ZNF570: variants seen among roughly 807,000 people sequenced by gnomAD.
ZNF570 encodes the protein zinc finger protein 570.
In ZNF570, 8 loss-of-function variants were observed where a neutral mutation model predicts 14.2. The observed-to-expected ratio is 0.56, with a 90% CI of 0.33 to 1.02. ZNF570 has a LOEUF of 1.02. ZNF570 is among the 50% of genes least tolerant of loss of function. The probability of loss-of-function intolerance (pLI) is 0.03; values close to 1 mark genes in which losing one functional copy is unlikely to be tolerated. For missense variants in ZNF570, 559 were observed against 624.9 expected, an observed-to-expected ratio of 0.89 and a Z score of 1.12; for synonymous variants, 202 against 207.6, an observed-to-expected ratio of 0.97 and a Z score of 0.23.
Position 37,470,338 on chromosome 19 carries a change from G to A in ZNF570, c.-17G>A, listed in dbSNP as rs771019289. 3.7e-6 allele frequency: 6 copies of A among 1,614,066 alleles called. No individual in the cohort carries two copies. The South Asian group carries it at 6.6e-5, about 18-fold the overall frequency. On this transcript the variant is annotated 5_prime_UTR_variant, in exon 2 of 5. Coordinates refer to ENST00000330173, the MANE Select transcript of ZNF570 (RefSeq NM_144694.5). Reference sequence around the variant, plus strand: ...GCCACTGCTATTTCCCAAGAGAAGAGCCAGGAGGAAGAAAGAATGGCTGTT... The same window carrying A: ...GCCACTGCTATTTCCCAAGAGAAGAACCAGGAGGAAGAAAGAATGGCTGTT...
At position 37,484,735 on chromosome 19, in the gene ZNF570, A is replaced by G. The variant is rs1945732017; in HGVS notation, c.1113A>G (p.Ala371=). The change falls in exon 5 of 5, where the codon GCA becomes GCG. Residue 371 remains alanine (A), a synonymous_variant. Transcript: ENST00000330173. ...NVCGKAFSLR[A]YLTVHQRIHT... Reference sequence around the variant, plus strand: ...GTGGGAAAGCATTTAGCCTTCGTGCATACCTTACTGTACATCAGAGAATAC... The same window carrying G: ...GTGGGAAAGCATTTAGCCTTCGTGCGTACCTTACTGTACATCAGAGAATAC... The G allele has an allele frequency of 6.2e-7, 1 of 1,614,168 alleles. No homozygotes were observed. Among genetic ancestry groups the G allele is most frequent in the Non-Finnish European group, 8.5e-7 (1 of 1,180,032 alleles).
chr19:37,475,965 A>G lies in ZNF570; in HGVS notation c.118A>G (p.Ser40Gly), dbSNP rs1436552973. Reference sequence around the variant, plus strand: ...GGATTCTTCTCAAAGACATCTGTACAGTAATGTGATGCTAGAGAACTACAG... The same window carrying G: ...GGATTCTTCTCAAAGACATCTGTACGGTAATGTGATGCTAGAGAACTACAG... ...CLDSSQRHLYSNVMLENYRIL... is the reference protein window; with the variant it reads ...CLDSSQRHLYGNVMLENYRIL... Residue 40 changes from serine to glycine, a missense_variant, in exon 3 of 5, where the codon AGT becomes GGT. Transcript: ENST00000330173. 6.2e-7 allele frequency: 1 copy of G among 1,613,722 alleles called. No individual in the cohort carries two copies. The highest frequency in any genetic ancestry group is 8.5e-7 in the Non-Finnish European group (1 of 1,179,864).
At chr19:37,472,758 A>AAG (rs2041982919) in intron 2 of ZNF570, among the ~76,000 whole-genome samples, 1 of 151,542 alleles carries the variant, frequency 6.6e-6, no homozygotes, top group South Asian at 2.1e-4. Flanking sequence ...AAAAAAAAAA[A>AAG]AAGAAGGAAA....
At chr19:37,467,874 C>A, upstream of ZNF570, 10 of 1,536,052 alleles carry the variant, frequency 6.5e-6, no homozygotes, top group Non-Finnish European at 8.7e-6. Context: ...TCTGACCTTG[C>A]AGTTTTGTCA....
intron 2 of ZNF570, among the ~76,000 whole-genome samples, chr19:37,474,842 AAAATT>A (rs1320880758): frequency 6.6e-6 from 1 of 152,218 alleles, no homozygotes; most frequent in African/African-American, 2.4e-5. Context: ...AATTTTGTAA[AAAATT>A]AAATTAATAC....
Position 37,471,378 on chromosome 19 carries a change from C to G in ZNF570, c.33+991C>G, listed in dbSNP as rs376986591. 2.2e-4 allele frequency among the ~76,000 whole-genome samples: 34 copies of G among 152,256 alleles called. No homozygotes were observed. In the East Asian group the frequency reaches 3.1e-3, roughly 14 times the overall value. On this transcript the variant is annotated intron_variant, in intron 2 of 4. Transcript: ENST00000330173. ...TATTCTCTCTGCCTGGGATACTGTT[C>G]CCTCAGATACCCGATACAGACCAAC...
At chr19:37,478,581 C>T (rs571372269) in intron 4 of ZNF570, among the ~76,000 whole-genome samples, 3 of 151,626 alleles carry the variant, frequency 2.0e-5, no homozygotes, top group African/African-American at 4.8e-5. Context: ...TAATATGAAT[C>T]GAAGTAGTGA....
intron 4 of ZNF570, among the ~76,000 whole-genome samples, chr19:37,479,949 G>T (rs1041025303): frequency 2.6e-5 from 4 of 152,020 alleles, no homozygotes; most frequent in African/African-American, 9.7e-5. Context: ...CCAAATGATG[G>T]TGGTGGTCAG....
intron 2 of ZNF570, among the ~76,000 whole-genome samples, chr19:37,475,143 T>C (rs2042009652): frequency 6.6e-6 from 1 of 151,982 alleles, no homozygotes; most frequent in South Asian, 2.1e-4. Context: ...TTTGTATTTT[T>C]AGTAGAGACA....
Position 37,485,243 on chromosome 19 carries a change from C to G in ZNF570, c.*10C>G. On this transcript the variant is annotated 3_prime_UTR_variant, in exon 5 of 5. Transcript: ENST00000330173. ...TCACCAAGTCCTATAGATCCTGAGT[C>G]CTAAATGTTTCTAGAATTTATACTG... The G allele has an allele frequency of 6.6e-7, 1 of 1,522,962 alleles. No individual in the cohort carries two copies. Among genetic ancestry groups the G allele is most frequent in the Non-Finnish European group, 8.8e-7 (1 of 1,138,940 alleles). 94.3% of individuals were successfully genotyped at this position (1,522,962 alleles called of 1,614,324 possible). A position where few individuals can be genotyped will look rare whatever the true frequency, so the allele number is the denominator to read the frequency against.
upstream of ZNF570, chr19:37,469,186 G>A (rs1444932860): frequency 8.0e-6 from 10 of 1,242,336 alleles, no homozygotes; most frequent in South Asian, 7.6e-5. Context: ...AGTGTGGGAG[G>A]ACCTGGTGGG....
intron 1 of ZNF570, chr19:37,469,804 G>A: frequency 1.7e-6 from 1 of 572,796 alleles, no homozygotes; most frequent in Non-Finnish European, 3.1e-6. Context: ...GCCCGTGTGA[G>A]GCAGTCCATA....
intron 4 of ZNF570, among the ~76,000 whole-genome samples, chr19:37,476,997 T>G (rs891734870): frequency 6.6e-6 from 1 of 151,990 alleles, no homozygotes; most frequent in Non-Finnish European, 1.5e-5. Context: ...TGAACCACTG[T>G]GCCTGGCCTC....
At chr19:37,470,131 A>G (rs957529291) in intron 1 of ZNF570, 173 bp from the exon 2 acceptor site, 3 of 552,962 alleles carry the variant, frequency 5.4e-6, no homozygotes, top group African/African-American at 3.8e-5. Flanking sequence ...GAATTGGGAA[A>G]TGATTTAGGC....
At position 37,476,433 on chromosome 19, in the gene ZNF570, A is replaced by G; in HGVS notation, c.255A>G (p.Ser85=). The change falls in exon 4 of 5, where the codon TCA becomes TCG. Residue 85 remains serine, a splice_region_variant and synonymous_variant. Transcript: ENST00000330173. ...VKRELTKGLC[S]GWEPICETEE... The stretch of plus-strand genomic sequence containing the variant: ...GAGAGCTGACAAAAGGCTTGTGCTC[A>G]GGTTAGTGAAGAGGAAATTGGCAAA... 6.2e-7 allele frequency: 1 copy of G among 1,612,930 alleles called. No individual in the cohort carries two copies. The highest frequency in any genetic ancestry group is 8.5e-7 in the Non-Finnish European group (1 of 1,179,514).
intron 2 of ZNF570, among the ~76,000 whole-genome samples, chr19:37,471,009 A>ATTTT (rs764609936): frequency 7.3e-4 from 62 of 84,386 alleles, no homozygotes; most frequent in Admixed American, 1.9e-3. Flanking sequence ...CAGTGAGTAC[A>ATTTT]TTTTTTTTTT....
Position 37,484,848 on chromosome 19 carries a change from C to T in ZNF570, c.1226C>T (p.Thr409Ile). 2 of 1,613,400 alleles carry T rather than the reference C, an allele frequency of 1.2e-6. No homozygotes were observed. Among genetic ancestry groups the T allele is most frequent in the Non-Finnish European group, 1.7e-6 (2 of 1,179,892 alleles). The part of the protein sequence containing the change: ...SHLAQHQRIH[T>I]GEKPYKCQEC... ...CTTGCTCAACATCAGAGAATTCATA[C>T]TGGAGAAAAACCTTATAAGTGTCAG... Residue 409 changes from threonine (T) to isoleucine (I), a missense_variant, in exon 5 of 5, where the codon ACT (threonine) becomes ATT (isoleucine). By Grantham distance (89) the Thr-to-Ile change is moderately conservative. Coordinates refer to ENST00000330173, the MANE Select transcript of ZNF570 (RefSeq NM_144694.5).
intron 2 of ZNF570, among the ~76,000 whole-genome samples, chr19:37,472,370 A>G (rs986310347): frequency 3.5e-5 from 5 of 141,452 alleles, no homozygotes; most frequent in African/African-American, 1.0e-4. Context: ...CATAAGTTGT[A>G]TGATGTCATT....
chr19:37,480,770 T>G (rs1568769117), intron 4 of ZNF570, among the ~76,000 whole-genome samples: 1 of 152,032 alleles, frequency 6.6e-6, no homozygotes, highest in African/African-American at 2.4e-5. Flanking sequence ...CTGGGCAGCA[T>G]GGTGAAACCC....
Sources: allele counts gnomAD v4.1 joint callset (sites outside exome capture counted in the v4.1 genomes callset), GRCh38; gene constraint gnomAD v4.1.1; transcripts MANE v1.5; gene names NCBI Gene and HGNC (gene_info 2026-07-23, HGNC 2026-07-21).